The following A1CF variants were observed in gnomAD, a reference collection of about 807,000 sequenced individuals.
A1CF encodes APOBEC1 complementation factor, also known as APOBEC-1 stimulating protein.
Under a neutral mutation model 68.9 loss-of-function variants are expected in A1CF, and 48 were observed. The ratio of observed to expected loss-of-function variants is 0.70; its 90% CI spans 0.55 to 0.89. The LOEUF (loss-of-function observed/expected upper bound fraction) is 0.89. A1CF is among the 40% of genes least tolerant of loss of function. The probability of loss-of-function intolerance (pLI) is 0.00; values close to 1 mark genes in which losing one functional copy is unlikely to be tolerated. For synonymous variants in A1CF, 272 were observed against 260.4 expected, an observed-to-expected ratio of 1.04 and a Z score of -0.43; for missense variants, 653 against 718.9, an observed-to-expected ratio of 0.91 and a Z score of 1.05.
At chr10:50,831,822 A>C (rs906550213) in intron 6 of A1CF, among the ~76,000 whole-genome samples, 1 of 152,202 alleles carries the variant, frequency 6.6e-6, no homozygotes, top group Non-Finnish European at 1.5e-5. Context: ...AAAAATGCTT[A>C]ACATCTCTAA....
At chr10:50,825,542 C>A (rs771882930) in intron 7 of A1CF, among the ~76,000 whole-genome samples, 1 of 152,074 alleles carries the variant, frequency 6.6e-6, no homozygotes, top group African/African-American at 2.4e-5. Context: ...GACCATGGAG[C>A]CCTTTTATCA....
rs959801873 is a variant in A1CF, at chr10:50,799,593, T to A, written c.*7136A>T. The A allele has an allele frequency of 4.6e-5, 7 of 152,152 alleles. No individual in the cohort carries two copies. The highest frequency in any genetic ancestry group is 1.7e-4 in the African/African-American group (7 of 41,444). 9.4% of individuals were successfully genotyped at this position (152,152 alleles called of 1,614,324 possible). A position where few individuals can be genotyped will look rare whatever the true frequency, so the allele number is the denominator to read the frequency against. On this transcript the variant is annotated 3_prime_UTR_variant, in exon 13 of 13. Transcript: ENST00000373997. ...CAACAAGTGAATGGTGTAATTTTACTTAATATATTTAGATAGATCACAAAG... is the reference window on the plus strand; with the variant it reads ...CAACAAGTGAATGGTGTAATTTTACATAATATATTTAGATAGATCACAAAG...
At chr10:50,853,227 T>G (rs565224420) in intron 3 of A1CF, among the ~76,000 whole-genome samples, 6 of 152,190 alleles carry the variant, frequency 3.9e-5, no homozygotes, top group Non-Finnish European at 7.4e-5. Flanking sequence ...CACTAGATCT[T>G]TGAAAGTAAG....
chr10:50,804,205 T>G lies in A1CF; in HGVS notation c.*2524A>C, dbSNP rs1837723915. 6.6e-6 allele frequency: 1 copy of G among 152,176 alleles called. No individual in the cohort carries two copies. The highest frequency in any genetic ancestry group is 6.5e-5 in the Admixed American group (1 of 15,280). The allele number at this position is 152,176 out of a possible 1,614,324, so 9.4% of individuals were successfully genotyped here. A position where few individuals can be genotyped will look rare whatever the true frequency, so the allele number is the denominator to read the frequency against. On this transcript the variant is annotated 3_prime_UTR_variant, in exon 13 of 13. Transcript: ENST00000373997. ...CTAAAGAGGTAAATGGTGTGATAAC[T>G]TGAGATGGTGTTCCAGTGGTAATTT...
intron 2 of A1CF, among the ~76,000 whole-genome samples, 157 bp downstream of exon 2, chr10:50,863,876 C>A (rs899735249): frequency 1.3e-5 from 2 of 151,928 alleles, no homozygotes; most frequent in Non-Finnish European, 1.5e-5. Flanking sequence ...TATAATGTTC[C>A]AAACATAAAG....
intron 12 of A1CF, among the ~76,000 whole-genome samples, chr10:50,808,551 A>C (rs530452779): frequency 6.6e-6 from 1 of 152,286 alleles, no homozygotes; most frequent in South Asian, 2.1e-4. Flanking sequence ...ACATGTAAAC[A>C]CCCTGTTATG....
intron 1 of A1CF, among the ~76,000 whole-genome samples, chr10:50,872,055 T>C (rs980541604): frequency 1.3e-5 from 2 of 152,124 alleles, no homozygotes; most frequent in African/African-American, 2.4e-5. Flanking sequence ...TTTTAAATAA[T>C]AGACACATAT....
chr10:50,818,926 C>G (rs569932647), intron 8 of A1CF, among the ~76,000 whole-genome samples: 6 of 152,240 alleles, frequency 3.9e-5, no homozygotes, highest in Non-Finnish European at 7.4e-5. Flanking sequence ...AGCCTGCTCT[C>G]TGCTCTGGGA....
rs1838088837 is a variant in A1CF at position 50,811,074 on chromosome 10, T to C, written c.1426A>G (p.Thr476Ala). The C allele has an allele frequency of 6.2e-7, 1 of 1,613,542 alleles. No homozygotes were observed. Among genetic ancestry groups the C allele is most frequent in the Non-Finnish European group, 8.5e-7 (1 of 1,179,640 alleles). Residue 476 changes from threonine to alanine, a missense_variant, in exon 11 of 13, where the codon ACT becomes GCT. Coordinates refer to ENST00000373997, the MANE Select transcript of A1CF (RefSeq NM_014576.4). ...DQRQLFLYKI[T>A]IPALASQNPA... Reference sequence around the variant, plus strand: ...TTCTGGCTGGCTAGAGCAGGAATAGTTATTTTGTACAAGAATAGCTGTCTT... The same window carrying C: ...TTCTGGCTGGCTAGAGCAGGAATAGCTATTTTGTACAAGAATAGCTGTCTT...
At chr10:50,873,412 CA>C (rs1483368004) in intron 1 of A1CF, among the ~76,000 whole-genome samples, 1 of 152,160 alleles carries the variant, frequency 6.6e-6, no homozygotes, top group East Asian at 1.9e-4. Flanking sequence ...AGACAGCTAA[CA>C]CAACTATGTG....
chr10:50,839,549 C>A (rs543997484), intron 5 of A1CF, among the ~76,000 whole-genome samples: 11 of 152,328 alleles, frequency 7.2e-5, no homozygotes, highest in African/African-American at 2.4e-4. Context: ...GGGCTGGACC[C>A]CAGATCTCCT....
Position 50,800,497 on chromosome 10 carries a change from A to G in A1CF, c.*6232T>C, listed in dbSNP as rs1356257684. On this transcript the variant is annotated 3_prime_UTR_variant, in exon 13 of 13. Transcript: ENST00000373997. ...CTATCAGGTGTTGCAATTATATTCA[A>G]TTTTGAAAAATGCAGAATGGACCAT... 1.3e-5 allele frequency: 2 copies of G among 152,318 alleles called. No homozygotes were observed. The highest frequency in any genetic ancestry group is 2.1e-4 in the South Asian group (1 of 4,832). 9.4% of individuals were successfully genotyped at this position (152,318 alleles called of 1,614,324 possible).
At chr10:50,867,446 C>T (rs916978671) in intron 1 of A1CF, among the ~76,000 whole-genome samples, 2 of 152,096 alleles carry the variant, frequency 1.3e-5, no homozygotes, top group East Asian at 3.8e-4. Flanking sequence ...CACAGAAAAA[C>T]AAATCTGTTC....
At chr10:50,841,174 T>C (rs1217562667) in intron 5 of A1CF, among the ~76,000 whole-genome samples, 1 of 152,146 alleles carries the variant, frequency 6.6e-6, no homozygotes, top group Non-Finnish European at 1.5e-5. Context: ...TAGAAGAAAA[T>C]TCAAATTCAT....
chr10:50,814,747 T>G (rs1202845623), intron 9 of A1CF, among the ~76,000 whole-genome samples: 3 of 152,222 alleles, frequency 2.0e-5, no homozygotes, highest in African/African-American at 7.2e-5. Flanking sequence ...TCCTTTCTTG[T>G]TATAAGATAG....
At chr10:50,821,131 A>G (rs1838644790) in intron 7 of A1CF, among the ~76,000 whole-genome samples, 1 of 152,204 alleles carries the variant, frequency 6.6e-6, no homozygotes, top group African/African-American at 2.4e-5. Flanking sequence ...CAGTTCTGAC[A>G]AGGGAACTGA....
intron 1 of A1CF, among the ~76,000 whole-genome samples, chr10:50,883,945 G>A (rs1457075112): frequency 6.6e-6 from 1 of 152,182 alleles, no homozygotes; most frequent in Non-Finnish European, 1.5e-5. Flanking sequence ...ACACCATAGA[G>A]TTGTTCCAAG....
chr10:50,812,827 A>G (rs1267330558), intron 10 of A1CF, among the ~76,000 whole-genome samples: 2 of 152,332 alleles, frequency 1.3e-5, no homozygotes, highest in East Asian at 3.9e-4. Flanking sequence ...GAAGTTTACT[A>G]AATCTTATGT....
intron 3 of A1CF, among the ~76,000 whole-genome samples, chr10:50,855,509 T>TG (rs1840438303): frequency 6.6e-6 from 1 of 151,994 alleles, no homozygotes; most frequent in East Asian, 1.9e-4. Flanking sequence ...ACATTATATC[T>TG]CTTTTTTCTC....
Sources: allele counts gnomAD v4.1 joint callset (sites outside exome capture counted in the v4.1 genomes callset), GRCh38; gene constraint gnomAD v4.1.1; transcripts MANE v1.5; gene names NCBI Gene and HGNC (gene_info 2026-07-23, HGNC 2026-07-21).